The following MACROD2 variants were observed in gnomAD, a reference collection of about 807,000 sequenced individuals.
MACROD2 encodes ADP-ribose glycohydrolase MACROD2.
MACROD2 carries 36 observed loss-of-function variants against 70.4 expected under a neutral mutation model. The ratio of observed to expected loss-of-function variants is 0.51; its 90% CI spans 0.39 to 0.68. MACROD2 has a LOEUF of 0.68. Among genes scored for constraint, MACROD2 ranks in the 30% least tolerant of loss-of-function variants. The pLI, the probability that MACROD2 is intolerant of heterozygous loss-of-function variation, is 0.00. For synonymous variants in MACROD2, 172 were observed against 178.8 expected (o/e 0.96, Z 0.30); for missense variants, 496 against 538.4 (o/e 0.92, Z 0.78).
At chr20:15,257,387 A>G (rs1000715342) in intron 6 of MACROD2, among the ~76,000 whole-genome samples, 12 of 152,218 alleles carry the variant, frequency 7.9e-5, no homozygotes, top group African/African-American at 2.9e-4. Flanking sequence ...CCTACAAATG[A>G]CACTTATTGA....
chr20:15,924,730 C>T (rs988369980), intron 10 of MACROD2, among the ~76,000 whole-genome samples: 11 of 152,122 alleles, frequency 7.2e-5, no homozygotes, highest in African/African-American at 2.7e-4. Flanking sequence ...TGAATTTATT[C>T]ATGGGATGAT....
intron 13 of MACROD2, among the ~76,000 whole-genome samples, chr20:15,979,078 A>C (rs1601257632): frequency 6.6e-6 from 1 of 152,244 alleles, no homozygotes; most frequent in East Asian, 1.9e-4. Context: ...GAATGAATCA[A>C]GGGGAAGTAG....
At chr20:15,880,224 T>C (rs571405475) in intron 9 of MACROD2, among the ~76,000 whole-genome samples, 66 of 152,238 alleles carry the variant, frequency 4.3e-4, no homozygotes, top group African/African-American at 1.5e-3. Flanking sequence ...AGGTCTGTAT[T>C]ATCTAGCCAG....
At chr20:15,319,656 A>T (rs2077851603) in intron 6 of MACROD2, among the ~76,000 whole-genome samples, 1 of 152,250 alleles carries the variant, frequency 6.6e-6, no homozygotes, top group Non-Finnish European at 1.5e-5. Context: ...TACCCCAAAG[A>T]GTGAACAACA....
At chr20:14,478,177 C>T (rs2084619905) in intron 3 of MACROD2, among the ~76,000 whole-genome samples, 1 of 152,224 alleles carries the variant, frequency 6.6e-6, no homozygotes, top group South Asian at 2.1e-4. Flanking sequence ...ACAAAGCCCT[C>T]AGGTGAACCT....
intron 8 of MACROD2, among the ~76,000 whole-genome samples, chr20:15,630,057 G>C (rs929030329): frequency 6.6e-6 from 1 of 152,082 alleles, no homozygotes; most frequent in Admixed American, 6.6e-5. Context: ...ACTTGGCACC[G>C]TGTCCAGCCC....
chr20:14,559,659 A>T (rs1236175093), intron 4 of MACROD2, among the ~76,000 whole-genome samples: 1 of 151,780 alleles, frequency 6.6e-6, no homozygotes, highest in Admixed American at 6.6e-5. Context: ...TAGTATTTTT[A>T]TGTTCTGTAA....
intron 4 of MACROD2, among the ~76,000 whole-genome samples, chr20:14,509,163 G>A (rs930689481): frequency 2.6e-5 from 4 of 151,972 alleles, no homozygotes; most frequent in Admixed American, 2.0e-4. Flanking sequence ...GAAAAAGGAA[G>A]GATACTTTAT....
intron 5 of MACROD2, among the ~76,000 whole-genome samples, chr20:14,970,116 A>G (rs2074676933): frequency 6.6e-6 from 1 of 152,180 alleles, no homozygotes; most frequent in Admixed American, 6.5e-5. Context: ...GAAACTTACA[A>G]TCATAGCAGA....
chr20:14,054,100 AAAGC>A (rs1457026249), intron 2 of MACROD2, among the ~76,000 whole-genome samples: 1 of 151,702 alleles, frequency 6.6e-6, no homozygotes, highest in Non-Finnish European at 1.5e-5. Flanking sequence ...AGGATTATCT[AAAGC>A]ACTTATTGTA....
At position 14,118,120 on chromosome 20, in the gene MACROD2, A is replaced by G. The variant is rs191322496; in HGVS notation, c.271+32392A>G. On this transcript the variant is annotated intron_variant, in intron 3 of 17. Transcript: ENST00000684519. ...TGTCGAGTTTGTGGCAATTTGTTAT[A>G]CAGCAATAAAAGTGAATACAATAGT... Among the ~76,000 whole-genome samples the G allele has an allele frequency of 2.5e-4, 38 of 152,322 alleles. No homozygotes were observed. In the South Asian group the frequency reaches 3.5e-3, roughly 14 times the overall value.
At chr20:14,950,960 A>G (rs1179968981) in intron 5 of MACROD2, among the ~76,000 whole-genome samples, 1 of 152,178 alleles carries the variant, frequency 6.6e-6, no homozygotes, top group Non-Finnish European at 1.5e-5. Flanking sequence ...TTGCAAATTT[A>G]GAATTAGAAG....
chr20:15,340,308 T>C (rs1428119254), intron 6 of MACROD2, among the ~76,000 whole-genome samples: 1 of 151,638 alleles, frequency 6.6e-6, no homozygotes, highest in East Asian at 1.9e-4. Flanking sequence ...TGGCTAATTT[T>C]TGTATTTTTA....
rs563608317 is a variant in MACROD2 at position 15,644,726 on chromosome 20, G to A, written c.645+144879G>A. Among the ~76,000 whole-genome samples, 6 of 152,270 alleles carry A rather than the reference G, an allele frequency of 3.9e-5. 1 individual carries two copies. In the East Asian group the frequency reaches 9.7e-4, roughly 25 times the overall value. On this transcript the variant is annotated intron_variant, in intron 8 of 17. Coordinates refer to ENST00000684519, the MANE Select transcript of MACROD2 (RefSeq NM_001351661.2). ...TTTTTTGACATGAAGTTTCACTCAT[G>A]TTGCCTAGGCTGGAGTACAATGGCA...
At chr20:14,698,419 G>A (rs553716886) in intron 5 of MACROD2, among the ~76,000 whole-genome samples, 2 of 152,078 alleles carry the variant, frequency 1.3e-5, no homozygotes, top group South Asian at 4.1e-4. Flanking sequence ...GTTAATGTCT[G>A]TGTGGCACTC....
chr20:14,474,207 G>A lies in MACROD2; in HGVS notation c.272-19272G>A, dbSNP rs116305456. ...ATCCAATTTGTCTGTTTTTATTTTC[G>A]TTGCCTGTGATTTTGAGGTCTTATC... On this transcript the variant is annotated intron_variant, in intron 3 of 17. Transcript: ENST00000684519. 6.1e-3 allele frequency among the ~76,000 whole-genome samples: 920 copies of A among 151,464 alleles called. 10 individuals carry two copies. Among genetic ancestry groups the A allele is most frequent in the African/African-American group, 0.021 (849 of 41,274 alleles).
chr20:15,112,628 C>T (rs550905365), intron 5 of MACROD2, among the ~76,000 whole-genome samples: 4 of 152,286 alleles, frequency 2.6e-5, no homozygotes, highest in African/African-American at 9.6e-5. Context: ...AAAAAAGTTA[C>T]TGTGGTTAAA....
At chr20:14,940,850 G>C (rs2074383796) in intron 5 of MACROD2, among the ~76,000 whole-genome samples, 1 of 152,094 alleles carries the variant, frequency 6.6e-6, no homozygotes, top group South Asian at 2.1e-4. Flanking sequence ...TTGGCCTGTA[G>C]TTTTCTTTGT....
intron 3 of MACROD2, among the ~76,000 whole-genome samples, chr20:14,191,214 T>C (rs947192344): frequency 5.3e-5 from 8 of 152,268 alleles, no homozygotes; most frequent in African/African-American, 1.7e-4. Flanking sequence ...CCTGTTGCCC[T>C]CAGACACAGA....
Sources: gnomAD v4.1 joint callset for allele counts (sites outside exome capture counted in the v4.1 genomes callset) on GRCh38, gnomAD v4.1.1 for gene constraint, MANE v1.5 for transcripts, NCBI Gene and HGNC (gene_info 2026-07-23, HGNC 2026-07-21) for gene names.